The following TET2 variants were observed in gnomAD, a reference collection of about 807,000 sequenced individuals.
TET2 encodes tet methylcytosine dioxygenase 2.
TET2 carries 299 observed loss-of-function variants against 142.9 expected under a neutral mutation model. That is an observed-to-expected ratio of 2.09 (90% CI 1.90 to 2.30). The LOEUF (loss-of-function observed/expected upper bound fraction) is 2.30, where lower values mean the gene tolerates loss of function less well. Among genes scored for constraint, TET2 ranks in the 30% most tolerant of loss-of-function variants. The pLI, the probability that TET2 is intolerant of heterozygous loss-of-function variation, is 0.00. For synonymous variants in TET2, 819 were observed against 849.0 expected (o/e 0.96, Z 0.61); for missense variants, 2,418 against 2,378.0 (o/e 1.02, Z -0.35).
rs913656760 is a variant in TET2, at chr4:105,276,828, G to A, written c.*309G>A. 5 of 243,352 alleles carry A rather than the reference G, an allele frequency of 2.1e-5. No homozygotes were observed. The highest frequency in any genetic ancestry group is 1.7e-4 in the South Asian group (2 of 11,838). The allele number at this position is 243,352 out of a possible 1,614,324, so 15.1% of individuals were successfully genotyped here. On this transcript the variant is annotated 3_prime_UTR_variant, in exon 11 of 11. Transcript: ENST00000380013. The stretch of plus-strand genomic sequence containing the variant: ...GTTCTATTATTGGACGAGATGATAT[G>A]TAAATGTGATCCCCCCCCCCCGCTT...
At chr4:105,256,338 T>A (rs1730131443) in intron 6 of TET2, among the ~76,000 whole-genome samples, 2 of 152,292 alleles carry the variant, frequency 1.3e-5, no homozygotes, top group South Asian at 4.1e-4. Context: ...GAGAATGTCC[T>A]AATTTATTAT....
Position 105,241,319 on chromosome 4 carries a change from ATCT to A in TET2, c.3410-16_3410-14del. 1 of 1,529,348 alleles carries A rather than the reference ATCT, an allele frequency of 6.5e-7. No homozygotes were observed. The allele number at this position is 1,529,348 out of a possible 1,614,324, so 94.7% of individuals were successfully genotyped here. A position where few individuals can be genotyped will look rare whatever the true frequency, so the allele number is the denominator to read the frequency against. Reference sequence around the variant, plus strand: ...AGTATAATTGAGGTCTAAAATAATAATCTTCTATTATCTCAACAGAGCAAATTA... The same window carrying A: ...AGTATAATTGAGGTCTAAAATAATAATCTATTATCTCAACAGAGCAAATTA... On this transcript the variant is annotated splice_polypyrimidine_tract_variant and intron_variant, in intron 3 of 10. Transcript: ENST00000380013.
At position 105,259,745 on chromosome 4, in the gene TET2, G is replaced by A. The variant is rs1425721228; in HGVS notation, c.3930G>A (p.Lys1310=). Reference sequence around the variant, plus strand: ...GAAGCAAGATCCCAAGGAAGTTTAAGCTGCTTGGGGATGACCCAAAAGAGG... The same window carrying A: ...GAAGCAAGATCCCAAGGAAGTTTAAACTGCTTGGGGATGACCCAAAAGAGG... ...FARSKIPRKF[K]LLGDDPKEEE... The change falls in exon 7 of 11, where the codon AAG becomes AAA. Residue 1310 remains lysine, a synonymous_variant. Transcript: ENST00000380013. The A allele has an allele frequency of 6.4e-6, 10 of 1,550,764 alleles. No individual in the cohort carries two copies. The highest frequency in any genetic ancestry group is 1.4e-5 in the African/African-American group (1 of 72,990).
At chr4:105,201,363 G>A (rs1578608928) in intron 2 of TET2, among the ~76,000 whole-genome samples, 1 of 152,264 alleles carries the variant, frequency 6.6e-6, no homozygotes, top group Admixed American at 6.5e-5. Context: ...AATGCAAGGT[G>A]TTTCCTAAAA....
chr4:105,150,728 A>C (rs1723255226), intron 1 of TET2, among the ~76,000 whole-genome samples: 2 of 152,232 alleles, frequency 1.3e-5, no homozygotes, highest in Non-Finnish European at 2.9e-5. Context: ...TACTTGGTCT[A>C]GATCTCCAAT....
At chr4:105,222,093 T>G (rs1727864294) in intron 2 of TET2, among the ~76,000 whole-genome samples, 1 of 151,792 alleles carries the variant, frequency 6.6e-6, no homozygotes, top group Non-Finnish European at 1.5e-5. Flanking sequence ...ATGTGCCACA[T>G]TTTCTTAATC....
chr4:105,243,585 A>T lies in TET2; in HGVS notation c.3610A>T (p.Ser1204Cys), dbSNP rs1729421300. The T allele has an allele frequency of 6.4e-7, 1 of 1,551,640 alleles. No individual in the cohort carries two copies. Among genetic ancestry groups the T allele is most frequent in the Non-Finnish European group, 8.7e-7 (1 of 1,146,946 alleles). Residue 1204 changes from serine to cysteine, a missense_variant, in exon 6 of 11, where the codon AGC becomes TGC. Transcript: ENST00000380013. ...ATCCACGCAGGTGGTTCGCAGAAGC[A>T]GCAGTGAAGAGAAGCTACTGTGTTT... ...PIAKWVVRRS[S>C]SEEKLLCLVR...
rs1409764650 is a variant in TET2, at chr4:105,235,517, A to G, written c.1575A>G (p.Leu525=). Residue 525 remains leucine, a synonymous_variant, in exon 3 of 11, where the codon CTA becomes CTG. Transcript: ENST00000380013. ...NPPIFGSSGE[L]QDNCQQLMRN... ...CAATTTTTGGTAGCAGTGGAGAGCT[A>G]CAGGACAACTGCCAGCAGTTGATGA... 1.2e-6 allele frequency: 2 copies of G among 1,614,094 alleles called. No individual in the cohort carries two copies. Among genetic ancestry groups the G allele is most frequent in the African/African-American group, 2.7e-5 (2 of 74,944 alleles).
intron 6 of TET2, among the ~76,000 whole-genome samples, chr4:105,253,245 T>C (rs1471333832): frequency 6.6e-6 from 1 of 152,202 alleles, no homozygotes; most frequent in African/African-American, 2.4e-5. Context: ...GGAATTTTGA[T>C]AGATTGCACT....
rs1730449213 is a variant in TET2, at chr4:105,261,831, G to C, written c.4027G>C (p.Asp1343His). The change falls in exon 8 of 11, where the codon GAT becomes CAT. Residue 1343 changes from aspartate (D) to histidine (H), a missense_variant. Asp to His is a moderately conservative substitution (Grantham distance 81). Coordinates refer to ENST00000380013, the MANE Select transcript of TET2 (RefSeq NM_001127208.3). Reference sequence around the variant, plus strand: ...ACCAACATATAAGAAACTTGCACCTGATGCATATAATAATCAGGTAAGTTT... The same window carrying C: ...ACCAACATATAAGAAACTTGCACCTCATGCATATAATAATCAGGTAAGTTT... ...MAPTYKKLAPDAYNNQIEYEH... is the reference protein window; with the variant it reads ...MAPTYKKLAPHAYNNQIEYEH... The C allele has an allele frequency of 6.5e-7, 1 of 1,545,776 alleles. No individual in the cohort carries two copies. The highest frequency in any genetic ancestry group is 1.4e-5 in the African/African-American group (1 of 72,812).
At chr4:105,176,373 T>C (rs1285319782) in intron 1 of TET2, among the ~76,000 whole-genome samples, 1 of 152,146 alleles carries the variant, frequency 6.6e-6, no homozygotes, top group Non-Finnish European at 1.5e-5. Context: ...CGGATGACAG[T>C]TGTTTATATG....
At chr4:105,167,628 C>T (rs1724233950) in intron 1 of TET2, among the ~76,000 whole-genome samples, 1 of 152,062 alleles carries the variant, frequency 6.6e-6, no homozygotes, top group South Asian at 2.1e-4. Context: ...TTATTAAGCC[C>T]TCAATAATAA....
At chr4:105,250,804 G>A (rs1165111063) in intron 6 of TET2, among the ~76,000 whole-genome samples, 1 of 151,886 alleles carries the variant, frequency 6.6e-6, no homozygotes, top group Non-Finnish European at 1.5e-5. Flanking sequence ...TGATTCTCCT[G>A]CCTCAGCTGG....
At chr4:105,177,923 C>G (rs1218529631) in intron 1 of TET2, 3 of 152,172 alleles carry the variant, frequency 2.0e-5, no homozygotes, top group Non-Finnish European at 4.4e-5. Flanking sequence ...CCCAGCTCTA[C>G]TAAAGATACA....
intron 10 of TET2, among the ~76,000 whole-genome samples, chr4:105,274,299 C>T (rs1476874711): frequency 8.5e-5 from 13 of 152,180 alleles, no homozygotes; most frequent in Admixed American, 8.5e-4. Flanking sequence ...AGAAGTATGA[C>T]TTTTAAAAGT....
At chr4:105,212,338 A>G (rs943278073) in intron 2 of TET2, among the ~76,000 whole-genome samples, 1 of 152,196 alleles carries the variant, frequency 6.6e-6, no homozygotes, top group African/African-American at 2.4e-5. Context: ...TCAGAACACT[A>G]CATTTAATTA....
At position 105,235,465 on chromosome 4, in the gene TET2, T is replaced by A. The variant is rs749787289; in HGVS notation, c.1523T>A (p.Met508Lys). 6.2e-6 allele frequency: 10 copies of A among 1,614,006 alleles called. No individual in the cohort carries two copies. In the African/African-American group the frequency reaches 9.3e-5, roughly 15 times the overall value. ...VPLCSEKTRP[M>K]SEHLKHNPPI... is the part of the protein sequence containing the mutation. ...TTGTGTTCTGAGAAAACAAGACCAA[T>A]GTCAGAACACCTCAAGCATAACCCA... The change falls in exon 3 of 11, where the codon ATG becomes AAG. Residue 508 changes from methionine to lysine, a missense_variant. By Grantham distance (95) the Met-to-Lys change is moderately conservative. Transcript: ENST00000380013.
rs1731308062 is a variant in TET2 at position 105,278,189 on chromosome 4, T to TATATATATATATATATATATATATAC, written c.*1684_*1685insATATATATATACATATATATATATAT. 1.9e-5 allele frequency: 3 copies of TATATATATATATATATATATATATAC among 157,122 alleles called. No individual in the cohort carries two copies. Among genetic ancestry groups the TATATATATATATATATATATATATAC allele is most frequent in the African/African-American group, 7.9e-5 (3 of 38,192 alleles). The allele number at this position is 157,122 out of a possible 1,614,324, so 9.7% of individuals were successfully genotyped here. On this transcript the variant is annotated 3_prime_UTR_variant, in exon 11 of 11. Transcript: ENST00000380013. ...ATATATACATATATATATATATATA[T>TATATATATATATATATATATATATAC]ATATATATATATATGAGTTTGAAGC...
intron 6 of TET2, among the ~76,000 whole-genome samples, chr4:105,257,076 T>G (rs558585009): frequency 6.6e-6 from 1 of 152,306 alleles, no homozygotes; most frequent in South Asian, 2.1e-4. Context: ...AGGAATAGCC[T>G]CTATTGACTA....
Sources: gnomAD v4.1 joint callset for allele counts (sites outside exome capture counted in the v4.1 genomes callset) on GRCh38, gnomAD v4.1.1 for gene constraint, MANE v1.5 for transcripts, NCBI Gene and HGNC (gene_info 2026-07-23, HGNC 2026-07-21) for gene names.